SHISA9: variants seen among roughly 807,000 people sequenced by gnomAD.
SHISA9 encodes the protein protein shisa-9.
In SHISA9, 13 loss-of-function variants were observed where a neutral mutation model predicts 38.0. That is an observed-to-expected ratio of 0.34 (90% confidence interval 0.22 to 0.54). The LOEUF is 0.54. Ranked by LOEUF, SHISA9 falls within the 20% of genes least tolerant of loss-of-function variation. The pLI is 0.91. For synonymous variants in SHISA9, 275 were observed against 242.0 expected, an observed-to-expected ratio of 1.14 and a Z score of -1.27; for missense variants, 538 against 575.8, an observed-to-expected ratio of 0.93 and a Z score of 0.67.
At chr16:13,345,438 GTTC>G in the SHISA9 span, among the ~76,000 whole-genome samples, 1 of 152,066 alleles carries the variant, frequency 6.6e-6, no homozygotes, top group Admixed American at 6.6e-5. Context: ...ACATAATTAT[GTTC>G]TTTTTTTATT....
the SHISA9 span, among the ~76,000 whole-genome samples, chr16:13,486,548 A>G: frequency 6.6e-6 from 1 of 152,164 alleles, no homozygotes; most frequent in Non-Finnish European, 1.5e-5. Context: ...TTTACTCCAT[A>G]TCATTTCTGA....
rs941510550 is a variant in SHISA9, at chr16:13,239,106, G to A, written c.*3697G>A. 3.7e-4 allele frequency: 55 copies of A among 150,032 alleles called. No individual in the cohort carries two copies. The highest frequency in any genetic ancestry group is 6.9e-4 in the Non-Finnish European group (47 of 67,726). 9.3% of individuals were successfully genotyped at this position (150,032 alleles called of 1,614,324 possible). A position where few individuals can be genotyped will look rare whatever the true frequency, so the allele number is the denominator to read the frequency against. On this transcript the variant is annotated 3_prime_UTR_variant, in exon 5 of 5. Coordinates refer to ENST00000558583, the MANE Select transcript of SHISA9 (RefSeq NM_001145204.3). The stretch of plus-strand genomic sequence containing the variant: ...CAGTGTTTGGTTTTTTTGTCCTTGC[G>A]ATAGTTTACTGAGAATGATGATTTC...
the SHISA9 span, among the ~76,000 whole-genome samples, chr16:13,468,959 G>T: frequency 1.3e-5 from 2 of 150,782 alleles, no homozygotes; most frequent in East Asian, 2.0e-4. Context: ...CAACAAAAAA[G>T]AGGCTGGGCA....
At chr16:13,194,934 A>G (rs2050922765) in intron 2 of SHISA9, among the ~76,000 whole-genome samples, 1 of 152,226 alleles carries the variant, frequency 6.6e-6, no homozygotes, top group Non-Finnish European at 1.5e-5. Flanking sequence ...TAATCGAGGG[A>G]GGAAGCTAGA....
chr16:13,461,796 G>C, the SHISA9 span, among the ~76,000 whole-genome samples: 1 of 151,158 alleles, frequency 6.6e-6, no homozygotes, highest in Non-Finnish European at 1.5e-5. Context: ...TGTATTTTTA[G>C]TAGAGACGGG....
At chr16:13,387,296 C>T in the SHISA9 span, among the ~76,000 whole-genome samples, 3 of 152,070 alleles carry the variant, frequency 2.0e-5, no homozygotes, top group African/African-American at 4.8e-5. Flanking sequence ...TGAAGTCATA[C>T]TAGAGTAGGG....
chr16:13,550,143 A>T, the SHISA9 span, among the ~76,000 whole-genome samples: 3 of 152,170 alleles, frequency 2.0e-5, no homozygotes, highest in Non-Finnish European at 4.4e-5. Context: ...AAAGCCCCCG[A>T]GGCAGGAGAG....
At chr16:12,987,966 G>A (rs1036843155) in intron 2 of SHISA9, among the ~76,000 whole-genome samples, 1 of 152,224 alleles carries the variant, frequency 6.6e-6, no homozygotes, top group African/African-American at 2.4e-5. Context: ...CTGGTCTCCA[G>A]TGTTCCTATT....
At chr16:13,186,481 A>G (rs1309309389) in intron 2 of SHISA9, among the ~76,000 whole-genome samples, 2 of 151,724 alleles carry the variant, frequency 1.3e-5, no homozygotes, top group East Asian at 1.9e-4. Flanking sequence ...TATTTTTAGT[A>G]GAGATGGGAT....
At chr16:13,037,215 G>A (rs962567207) in intron 2 of SHISA9, among the ~76,000 whole-genome samples, 1 of 151,810 alleles carries the variant, frequency 6.6e-6, no homozygotes, top group Admixed American at 6.6e-5. Flanking sequence ...GTGTAATGGT[G>A]TTTTGCTCCC....
rs187265207 is a variant in SHISA9, at chr16:12,962,987, G to T, written c.691+46172G>T. Among the ~76,000 whole-genome samples the T allele has an allele frequency of 2.8e-4, 43 of 152,198 alleles. No homozygotes were observed. In the East Asian group the frequency reaches 7.0e-3, roughly 25 times the overall value. ...AATACAGGGAGGGAGCACAATTTCT[G>T]TTGCCCCATCCTGATCCTACTGCCA... On this transcript the variant is annotated intron_variant, in intron 2 of 4. Coordinates refer to ENST00000558583, the MANE Select transcript of SHISA9 (RefSeq NM_001145204.3).
At chr16:13,418,848 A>T in the SHISA9 span, among the ~76,000 whole-genome samples, 1 of 152,236 alleles carries the variant, frequency 6.6e-6, no homozygotes, top group African/African-American at 2.4e-5. Context: ...CTCAGGCAGA[A>T]TAAACAACAC....
intron 3 of SHISA9, chr16:13,204,844 AC>A (rs1439944628): frequency 6.6e-6 from 1 of 152,094 alleles, no homozygotes; most frequent in African/African-American, 2.4e-5. Flanking sequence ...TGAGAATTGA[AC>A]CCTATTTTTA....
chr16:13,129,169 G>A (rs1018970070), intron 2 of SHISA9, among the ~76,000 whole-genome samples: 1 of 152,116 alleles, frequency 6.6e-6, no homozygotes, highest in Admixed American at 6.5e-5. Flanking sequence ...AGATGCTTCT[G>A]TTTCAGTGAC....
intron 2 of SHISA9, among the ~76,000 whole-genome samples, chr16:13,101,336 T>G (rs532212002): frequency 6.6e-6 from 1 of 152,240 alleles, no homozygotes; most frequent in Non-Finnish European, 1.5e-5. Context: ...ATTGTATCGA[T>G]TATGTCACAA....
intron 2 of SHISA9, among the ~76,000 whole-genome samples, chr16:13,183,627 C>T (rs2050795473): frequency 6.6e-6 from 1 of 152,218 alleles, no homozygotes; most frequent in Admixed American, 6.5e-5. Context: ...ATAAAGTGCC[C>T]TATCTTGGTT....
intron 2 of SHISA9, among the ~76,000 whole-genome samples, chr16:13,012,006 C>T (rs112287502): frequency 0.2 from 31,035 of 151,734 alleles, 4,133 homozygotes; most frequent in Middle Eastern, 0.32. Flanking sequence ...TTGTATTTTT[C>T]GTAGAGGCAG....
chr16:13,035,229 G>A (rs2073040364), intron 2 of SHISA9, among the ~76,000 whole-genome samples: 1 of 152,068 alleles, frequency 6.6e-6, no homozygotes, highest in Non-Finnish European at 1.5e-5. Context: ...ACATTGCTGT[G>A]GTCTTCCTGA....
chr16:13,003,420 A>G (rs1406550050), intron 2 of SHISA9, among the ~76,000 whole-genome samples: 3 of 152,170 alleles, frequency 2.0e-5, no homozygotes, highest in East Asian at 1.9e-4. Flanking sequence ...TGGGATTCCA[A>G]ACTTTTCAAA....
Sources: allele counts gnomAD v4.1 joint callset (sites outside exome capture counted in the v4.1 genomes callset), GRCh38; gene constraint gnomAD v4.1.1; transcripts MANE v1.5; gene names NCBI Gene and HGNC (gene_info 2026-07-23, HGNC 2026-07-21).